The following CCNK variants were observed in gnomAD, a reference collection of about 807,000 sequenced individuals.
CCNK encodes cyclin K.
Under a neutral mutation model 65.0 loss-of-function variants are expected in CCNK, and 9 were observed. That is an observed-to-expected ratio of 0.14 (90% CI 0.08 to 0.24). The LOEUF is 0.24. Among genes scored for constraint, CCNK ranks in the 10% least tolerant of loss-of-function variants. The pLI is 1.00. For synonymous variants in CCNK, 279 were observed against 270.8 expected (o/e 1.03, Z -0.30); for missense variants, 474 against 720.0 (o/e 0.66, Z 3.91).
At chr14:99,499,702 T>C (rs1896779556) in intron 4 of CCNK, among the ~76,000 whole-genome samples, 1 of 152,192 alleles carries the variant, frequency 6.6e-6, no homozygotes, top group African/African-American at 2.4e-5. Flanking sequence ...TTAGAGAGTA[T>C]CATCAAAGAG....
intron 1 of CCNK, among the ~76,000 whole-genome samples, chr14:99,490,686 G>A (rs1896578746): frequency 6.6e-6 from 1 of 152,062 alleles, no homozygotes; most frequent in Admixed American, 6.5e-5. Context: ...CCAGCACTTT[G>A]GGAGGCCGAG....
chr14:99,500,559 C>T, intron 4 of CCNK: 1 of 532,556 alleles, frequency 1.9e-6, no homozygotes, highest in Admixed American at 3.7e-5. Context: ...CATTACACCT[C>T]TGCTTTGTCT....
At chr14:99,486,169 G>C (rs556364422) in intron 1 of CCNK, among the ~76,000 whole-genome samples, 3 of 152,072 alleles carry the variant, frequency 2.0e-5, no homozygotes, top group Non-Finnish European at 4.4e-5. Flanking sequence ...TTTAGCATTT[G>C]TCACTGTTGA....
chr14:99,486,144 G>C (rs1022403893), intron 1 of CCNK, among the ~76,000 whole-genome samples: 1 of 152,116 alleles, frequency 6.6e-6, no homozygotes, highest in African/African-American at 2.4e-5. Flanking sequence ...TTAGTTCCTT[G>C]TCCTTTAACT....
intron 9 of CCNK, chr14:99,505,652 TC>T (rs1896955874): frequency 6.6e-6 from 1 of 152,154 alleles, no homozygotes; most frequent in African/African-American, 2.4e-5. Context: ...GCCCAGGAGT[TC>T]CAGGCCAGAC....
intron 1 of CCNK, among the ~76,000 whole-genome samples, chr14:99,490,702 C>A (rs999250291): frequency 6.6e-6 from 1 of 151,944 alleles, no homozygotes; most frequent in African/African-American, 2.4e-5. Flanking sequence ...CCGAGGCAGG[C>A]GGATCACGAG....
chr14:99,501,189 GA>G (rs1393711523), intron 5 of CCNK, 166 bp from the exon 6 acceptor site: 53 of 620,980 alleles, frequency 8.5e-5, no homozygotes, highest in Middle Eastern at 4.3e-4. Flanking sequence ...TGAGGAGGAA[GA>G]AGGGGTAGGA....
At position 99,496,029 on chromosome 14, in the gene CCNK, C is replaced by CT. The variant is rs1896693662; in HGVS notation, c.411+404dup. 3.3e-5 allele frequency among the ~76,000 whole-genome samples: 5 copies of CT among 152,160 alleles called. No homozygotes were observed. In the South Asian group the frequency reaches 1.0e-3, roughly 32 times the overall value. On this transcript the variant is annotated intron_variant, in intron 4 of 10. Transcript: ENST00000389879. ...ACACATGCCTACATATGCCATGTGTCTTTTGCTTCTAAAGAATGTTGGAAG... is the reference window on the plus strand; with the variant it reads ...ACACATGCCTACATATGCCATGTGTCTTTTTGCTTCTAAAGAATGTTGGAAG...
intron 6 of CCNK, 79 bp from the exon 7 acceptor site, chr14:99,502,128 G>A: frequency 2.1e-6 from 3 of 1,418,800 alleles, no homozygotes; most frequent in African/African-American, 1.4e-5. Context: ...TTAATGGTTA[G>A]TTATGGCATC....
Position 99,511,523 on chromosome 14 carries a change from C to A in CCNK, c.*741C>A, listed in dbSNP as rs1229124959. On this transcript the variant is annotated 3_prime_UTR_variant, in exon 11 of 11. Transcript: ENST00000389879. ...AAAGCAGTTCTGAAACTATCCCTTT[C>A]TTTGTTATGGGTGGAAGGTGGGGCT... The A allele has an allele frequency of 6.6e-6, 1 of 152,560 alleles. No individual in the cohort carries two copies. Among genetic ancestry groups the A allele is most frequent in the African/African-American group, 2.4e-5 (1 of 41,452 alleles). The allele number at this position is 152,560 out of a possible 1,614,324, so 9.5% of individuals were successfully genotyped here. A position where few individuals can be genotyped will look rare whatever the true frequency, so the allele number is the denominator to read the frequency against.
In CCNK at chr14:99,511,056, A is replaced by G. The variant is rs548853061; in HGVS notation, c.*274A>G. On this transcript the variant is annotated 3_prime_UTR_variant, in exon 11 of 11. Coordinates refer to ENST00000389879, the MANE Select transcript of CCNK (RefSeq NM_001099402.2). ...TGAGAGTCCTGCACTGGGTTACTTTATACTAGTGAGGACGTTAACCAGCCA... is the reference window on the plus strand; with the variant it reads ...TGAGAGTCCTGCACTGGGTTACTTTGTACTAGTGAGGACGTTAACCAGCCA... 7 of 304,342 alleles carry G rather than the reference A, an allele frequency of 2.3e-5. No homozygotes were observed. The highest frequency in any genetic ancestry group is 2.4e-5 in the Non-Finnish European group (4 of 166,634). 18.9% of individuals were successfully genotyped at this position (304,342 alleles called of 1,614,324 possible). A position where few individuals can be genotyped will look rare whatever the true frequency, so the allele number is the denominator to read the frequency against.
intron 6 of CCNK, chr14:99,501,938 C>T (rs1456193972): frequency 3.2e-6 from 1 of 308,034 alleles, no homozygotes; most frequent in African/African-American, 2.2e-5. Flanking sequence ...GTTTAAATAA[C>T]ATAAGTCATT....
chr14:99,491,642 C>G (rs3918062), intron 1 of CCNK, among the ~76,000 whole-genome samples: 364 of 152,334 alleles, frequency 2.4e-3, no homozygotes, highest in Non-Finnish European at 4.2e-3. Context: ...CTACCAGGTG[C>G]AAGGAGGAGA....
chr14:99,483,982 A>G (rs1181825882), intron 1 of CCNK, among the ~76,000 whole-genome samples: 4 of 152,272 alleles, frequency 2.6e-5, no homozygotes, highest in Non-Finnish European at 5.9e-5. Flanking sequence ...AGGCTGAAAT[A>G]TAATAATAGG....
intron 1 of CCNK, among the ~76,000 whole-genome samples, chr14:99,487,261 T>C (rs1896508504): frequency 6.6e-6 from 1 of 152,232 alleles, no homozygotes; most frequent in South Asian, 2.1e-4. Flanking sequence ...TAAAGTGTGT[T>C]GCATTCATAG....
At chr14:99,487,048 G>T (rs1272645895) in intron 1 of CCNK, among the ~76,000 whole-genome samples, 1 of 152,168 alleles carries the variant, frequency 6.6e-6, no homozygotes. Context: ...AAATGAAAAA[G>T]TACATGGAAA....
intron 10 of CCNK, 97 bp from the exon 11 acceptor site, chr14:99,510,060 C>T: frequency 3.9e-6 from 5 of 1,283,036 alleles, no homozygotes; most frequent in Non-Finnish European, 5.3e-6. Context: ...CAGCTGCTCC[C>T]TGCTCCTCTG....
Position 99,500,825 on chromosome 14 carries a change from A to G in CCNK, c.471A>G (p.Val157=). The G allele has an allele frequency of 6.4e-7, 1 of 1,566,914 alleles. No homozygotes were observed. The highest frequency in any genetic ancestry group is 8.7e-7 in the Non-Finnish European group (1 of 1,154,228). The change falls in exon 5 of 11, where the codon GTA becomes GTG. Residue 157 remains valine, a synonymous_variant. Coordinates refer to ENST00000389879, the MANE Select transcript of CCNK (RefSeq NM_001099402.2). ...LLQTIKFDLQ[V]EHPYQFLLKY... is the part of the protein sequence containing the mutation. Reference sequence around the variant, plus strand: ...AGACCATCAAGTTTGATTTACAGGTAGAACATCCATACCAGTTCCTACTAA... The same window carrying G: ...AGACCATCAAGTTTGATTTACAGGTGGAACATCCATACCAGTTCCTACTAA...
intron 1 of CCNK, among the ~76,000 whole-genome samples, chr14:99,489,391 C>T (rs1375409456): frequency 2.0e-5 from 3 of 152,116 alleles, no homozygotes; most frequent in East Asian, 3.8e-4. Context: ...TGGGGCCAGC[C>T]ACTGTGGCTC....
Sources: gnomAD v4.1 joint callset for allele counts (sites outside exome capture counted in the v4.1 genomes callset) on GRCh38, gnomAD v4.1.1 for gene constraint, MANE v1.5 for transcripts, NCBI Gene and HGNC (gene_info 2026-07-23, HGNC 2026-07-21) for gene names.